The following DCAF8L2 variants were observed in gnomAD, a reference collection of about 807,000 sequenced individuals.
The protein encoded by DCAF8L2 is DDB1- and CUL4-associated factor 8-like protein 2.
For missense variants in DCAF8L2, 430 were observed against 490.7 expected, an observed-to-expected ratio of 0.88 and a Z score of 1.17; for synonymous variants, 200 against 190.9, an observed-to-expected ratio of 1.05 and a Z score of -0.39.
chrX:27,689,385 C>G (rs943814134), intron 3 of DCAF8L2, among the ~76,000 whole-genome samples: 1 of 111,956 alleles, frequency 8.9e-6, no homozygotes, highest in Non-Finnish European at 1.9e-5. Flanking sequence ...GCTGGGACTA[C>G]AGGTGCACAC....
the DCAF8L2 span, among the ~76,000 whole-genome samples, chrX:27,578,185 A>G: frequency 3.5e-4 from 39 of 111,810 alleles, 1 homozygote; most frequent in South Asian, 0.013. Flanking sequence ...AGTAACCAAA[A>G]CAGCATGGTA....
At chrX:27,565,952 C>G in the DCAF8L2 span, among the ~76,000 whole-genome samples, 4 of 110,630 alleles carry the variant, frequency 3.6e-5, no homozygotes, top group African/African-American at 1.3e-4. Flanking sequence ...CAGCTCCACC[C>G]CATCCCTCTA....
chrX:27,661,955 T>A (rs1429888968), intron 2 of DCAF8L2, among the ~76,000 whole-genome samples: 1 of 111,957 alleles, frequency 8.9e-6, no homozygotes, highest in Non-Finnish European at 1.9e-5. Context: ...AGTGTTTTTT[T>A]AGCTAAGACA....
rs761767318 is a variant in DCAF8L2, at chrX:27,692,329, GAGAC to G, written c.-143+14424_-143+14427del. On this transcript the variant is annotated intron_variant, in intron 3 of 4. Coordinates refer to ENST00000451261, the MANE Select transcript of DCAF8L2 (RefSeq NM_001353450.2). ...TGACATGGACTTTTCATAGTATCATGAGACAGACAGGATTTACTCACTTACAGAC... is the reference window on the plus strand; with the variant it reads ...TGACATGGACTTTTCATAGTATCATGAGACAGGATTTACTCACTTACAGAC... Among the ~76,000 whole-genome samples, 34 of 111,794 alleles carry G rather than the reference GAGAC, an allele frequency of 3.0e-4. No homozygotes were observed. In the Middle Eastern group the frequency reaches 0.023, roughly 75 times the overall value.
chrX:27,697,820 T>C (rs1444907362), intron 3 of DCAF8L2, among the ~76,000 whole-genome samples: 2 of 108,995 alleles, frequency 1.8e-5, no homozygotes, highest in African/African-American at 3.4e-5. Context: ...TTGTTTTTAA[T>C]ACAATTAAGG....
intron 3 of DCAF8L2, among the ~76,000 whole-genome samples, chrX:27,690,256 A>C (rs1930665450): frequency 8.9e-6 from 1 of 111,765 alleles, no homozygotes. Context: ...GCTTGGATGC[A>C]TGCAATTAAT....
chrX:27,699,351 T>C (rs1232419934), intron 3 of DCAF8L2, among the ~76,000 whole-genome samples: 1 of 111,622 alleles, frequency 9.0e-6, no homozygotes, highest in Non-Finnish European at 1.9e-5. Flanking sequence ...AACAGTGATA[T>C]TAAAGTGGGC....
chrX:27,697,767 ACT>A (rs761047016), intron 3 of DCAF8L2, among the ~76,000 whole-genome samples: 20 of 110,746 alleles, frequency 1.8e-4, no homozygotes, highest in African/African-American at 4.6e-4. Flanking sequence ...TCAATGAATA[ACT>A]CTTTATAATC....
the DCAF8L2 span, among the ~76,000 whole-genome samples, chrX:27,504,174 C>G: frequency 8.9e-6 from 1 of 112,108 alleles, no homozygotes; most frequent in African/African-American, 3.2e-5. Flanking sequence ...TTAACCTAAA[C>G]GATTTGGTTA....
the DCAF8L2 span, among the ~76,000 whole-genome samples, chrX:27,485,451 T>G: frequency 1.8e-5 from 2 of 110,148 alleles, no homozygotes; most frequent in African/African-American, 6.8e-5. Flanking sequence ...TAAAAATTAA[T>G]TAGAGTTGAA....
At chrX:27,480,726 A>C in the DCAF8L2 span, among the ~76,000 whole-genome samples, 1 of 111,343 alleles carries the variant, frequency 9.0e-6, no homozygotes, top group East Asian at 2.8e-4. Context: ...TTCATCTTCT[A>C]TTTATTCTTT....
At chrX:27,505,315 G>A in the DCAF8L2 span, among the ~76,000 whole-genome samples, 5 of 111,101 alleles carry the variant, frequency 4.5e-5, no homozygotes, top group Non-Finnish European at 9.4e-5. Context: ...TAAAACTCAC[G>A]GCTAAATACT....
chrX:27,742,597 A>C (rs1471440424), intron 4 of DCAF8L2, among the ~76,000 whole-genome samples: 2 of 97,296 alleles, frequency 2.1e-5, no homozygotes, highest in East Asian at 3.1e-4. Flanking sequence ...AAAAACAAAC[A>C]AAAAAAAAAA....
intron 4 of DCAF8L2, among the ~76,000 whole-genome samples, chrX:27,722,563 G>A (rs929929474): frequency 1.8e-5 from 2 of 110,920 alleles, no homozygotes; most frequent in African/African-American, 6.5e-5. Context: ...TGGATGTGTG[G>A]TTTCTACTGA....
chrX:27,740,370 T>C (rs1210840075), intron 4 of DCAF8L2, among the ~76,000 whole-genome samples: 1 of 112,137 alleles, frequency 8.9e-6, no homozygotes, highest in Non-Finnish European at 1.9e-5. Flanking sequence ...GTTTAGTACA[T>C]CTGCTCTCTC....
At chrX:27,492,959 C>T in the DCAF8L2 span, among the ~76,000 whole-genome samples, 3 of 111,960 alleles carry the variant, frequency 2.7e-5, no homozygotes, top group Admixed American at 9.5e-5. Flanking sequence ...AGGCCAGGTG[C>T]AGTGTCTCAC....
intron 4 of DCAF8L2, among the ~76,000 whole-genome samples, chrX:27,743,578 TAG>T (rs1429395147): frequency 9.2e-6 from 1 of 108,291 alleles, no homozygotes; most frequent in African/African-American, 3.4e-5. Context: ...GTATTTTTAG[TAG>T]AGAGGGGGTT....
rs1349713033 is a variant in DCAF8L2, at chrX:27,748,563, G to A, written c.1668G>A (p.Val556=). ...AATELTGLKK[V]IKKNKWERDE... The stretch of plus-strand genomic sequence containing the variant: ...CTGAGCTTACTGGGTTAAAGAAGGT[G>A]ATTAAGAAGAACAAGTGGGAACGAG... The change falls in exon 5 of 5, where the codon GTG becomes GTA. Residue 556 remains valine (V), a synonymous_variant. Transcript: ENST00000451261. 1.7e-6 allele frequency: 2 copies of A among 1,208,905 alleles called. No individual in the cohort carries two copies. Among genetic ancestry groups the A allele is most frequent in the East Asian group, 3.0e-5 (1 of 33,738 alleles).
At chrX:27,600,007 G>T (rs1160400863) in intron 1 of DCAF8L2, among the ~76,000 whole-genome samples, 2 of 112,011 alleles carry the variant, frequency 1.8e-5, no homozygotes, top group African/African-American at 6.5e-5. Context: ...GTACAATTAT[G>T]CAAGAAAGCA....
Sources: gnomAD v4.1 joint callset for allele counts (sites outside exome capture counted in the v4.1 genomes callset) on GRCh38, gnomAD v4.1.1 for gene constraint, MANE v1.5 for transcripts, NCBI Gene and HGNC (gene_info 2026-07-23, HGNC 2026-07-21) for gene names.